Variants in PCDHGA2 observed in about 807,000 individuals in gnomAD.
PCDHGA2 encodes the protein protocadherin gamma subfamily A, 2.
PCDHGA2 carries 40 observed loss-of-function variants against 59.2 expected under a neutral mutation model. That is an observed-to-expected ratio of 0.68 (90% CI 0.52 to 0.88). The LOEUF (loss-of-function observed/expected upper bound fraction) is 0.88, where lower values mean the gene tolerates loss of function less well. PCDHGA2 is among the 40% of genes least tolerant of loss of function. PCDHGA2 has a pLI of 0.00. For missense variants in PCDHGA2, 1,226 were observed against 1,204.0 expected, an observed-to-expected ratio of 1.02 and a Z score of -0.27; for synonymous variants, 560 against 526.0, an observed-to-expected ratio of 1.06 and a Z score of -0.89.
rs2099884522 is a variant in PCDHGA2, at chr5:141,512,941, T to C, written c.*1768T>C. On this transcript the variant is annotated 3_prime_UTR_variant, in exon 4 of 4. Transcript: ENST00000394576. ...CTAATATTTATATGGCTTTTTTTCT[T>C]CGACAAAAAAATAATAAAACGTTTC... The C allele has an allele frequency of 6.6e-6, 1 of 151,892 alleles. No individual in the cohort carries two copies. The highest frequency in any genetic ancestry group is 6.6e-5 in the Admixed American group (1 of 15,236). The allele number at this position is 151,892 out of a possible 1,614,324, so 9.4% of individuals were successfully genotyped here.
intron 1 of PCDHGA2, chr5:141,356,581 A>C (rs762640676): frequency 6.2e-7 from 1 of 1,614,132 alleles, no homozygotes; most frequent in South Asian, 1.1e-5. Context: ...CTCTGCTTAC[A>C]TTCCTGAAAA....
intron 2 of PCDHGA2, 149 bp from the exon 3 acceptor site, chr5:141,505,244 T>C (rs886952348): frequency 7.0e-7 from 1 of 1,428,216 alleles, no homozygotes; most frequent in Non-Finnish European, 9.4e-7. Context: ...TGAAGGATTG[T>C]AGAAGTGCCT....
At chr5:141,351,119 C>G in intron 1 of PCDHGA2, 1 of 1,614,056 alleles carries the variant, frequency 6.2e-7, no homozygotes, top group Non-Finnish European at 8.5e-7. Flanking sequence ...AAGTACCAGC[C>G]TCTTCAATCT....
chr5:141,341,009 C>A lies in PCDHGA2; in HGVS notation c.2038C>A (p.Pro680Thr). Reference protein sequence around the residue: ...DILADLGSLEPSAIPNDSDLT... With the variant: ...DILADLGSLETSAIPNDSDLT... ...CCTGGCCGACCTGGGCAGCCTCGAG[C>A]CCTCCGCCATACCCAACGATTCGGA... is the stretch of plus-strand genomic sequence containing the variant. Residue 680 changes from proline to threonine, a missense_variant, in exon 1 of 4, where the codon CCC becomes ACC. By Grantham distance (38) the Pro-to-Thr change is conservative. Transcript: ENST00000394576. The A allele has an allele frequency of 1.2e-6, 2 of 1,614,150 alleles. No individual in the cohort carries two copies. The highest frequency in any genetic ancestry group is 2.2e-5 in the South Asian group (2 of 91,076).
intron 1 of PCDHGA2, among the ~76,000 whole-genome samples, chr5:141,467,332 C>T (rs985838492): frequency 6.6e-6 from 1 of 152,124 alleles, no homozygotes; most frequent in Non-Finnish European, 1.5e-5. Context: ...GGATTAGAGA[C>T]GTAAGCCACT....
chr5:141,339,767 G>A lies in PCDHGA2; in HGVS notation c.796G>A (p.Ala266Thr). 1.2e-6 allele frequency: 2 copies of A among 1,614,140 alleles called. No homozygotes were observed. Among genetic ancestry groups the A allele is most frequent in the East Asian group, 2.2e-5 (1 of 44,880 alleles). The change falls in exon 1 of 4, where the codon GCC (alanine) becomes ACC (threonine). Residue 266 changes from alanine to threonine, a missense_variant. Ala to Thr is a moderately conservative substitution (Grantham distance 58). Coordinates refer to ENST00000394576, the MANE Select transcript of PCDHGA2 (RefSeq NM_018915.4). ...LVGTRILTVT[A>T]TDADEGYYAQ... ...GGGCACCCGGATACTCACGGTGACC[G>A]CCACTGACGCAGATGAGGGCTACTA...
rs562192762 is a variant in PCDHGA2, at chr5:141,485,718, T to C, written c.2425-9089T>C. 1 of 1,614,058 alleles carries C rather than the reference T, an allele frequency of 6.2e-7. No homozygotes were observed. The highest frequency in any genetic ancestry group is 2.2e-5 in the East Asian group (1 of 44,866). On this transcript the variant is annotated intron_variant, in intron 1 of 3. Coordinates refer to ENST00000394576, the MANE Select transcript of PCDHGA2 (RefSeq NM_018915.4). This position sits in a 1 kb window ranked among gnomAD's most constrained non-coding sequence, Gnocchi z 5.7. ...TCCAATGAACACTTTGCACTGGATG[T>C]GAAGAAGCGCAGCGACGGCAGCCTG...
intron 1 of PCDHGA2, chr5:141,346,431 A>G (rs1757751673): frequency 5.6e-6 from 9 of 1,614,292 alleles, no homozygotes; most frequent in Non-Finnish European, 6.8e-6. Context: ...TTTACTTGAA[A>G]TGAAAGGAGA....
In PCDHGA2 at chr5:141,490,959, C is replaced by T. The variant is rs1385897960; in HGVS notation, c.2425-3848C>T. ...TGCACCCACGGCCAGACTGGGAACA[C>T]TCAGCCCCCCAGCGTCTCCCTCGCT... On this transcript the variant is annotated intron_variant, in intron 1 of 3. Transcript: ENST00000394576. The surrounding 1 kb of genome is among the most constrained non-coding windows in gnomAD (Gnocchi z 5.4). 6.2e-7 allele frequency: 1 copy of T among 1,613,844 alleles called. No individual in the cohort carries two copies. Among genetic ancestry groups the T allele is most frequent in the South Asian group, 1.1e-5 (1 of 91,038 alleles).
At chr5:141,435,925 A>G (rs978837252) in intron 1 of PCDHGA2, among the ~76,000 whole-genome samples, 16 of 152,166 alleles carry the variant, frequency 1.1e-4, no homozygotes, top group Non-Finnish European at 1.5e-5. Context: ...AAAATGCGGC[A>G]GTTGCTGCTT....
rs375363587 is a variant in PCDHGA2 at position 141,414,524 on chromosome 5, A to G, written c.2424+73129A>G. On this transcript the variant is annotated intron_variant, in intron 1 of 3. Coordinates refer to ENST00000394576, the MANE Select transcript of PCDHGA2 (RefSeq NM_018915.4). ...TTTATGCTACAAGTGGCAGATATCA[A>G]TGACAACCCACCTACCTTCTCTCAA... 105 of 1,613,844 alleles carry G rather than the reference A, an allele frequency of 6.5e-5. 1 individual carries two copies. In the South Asian group the frequency reaches 7.2e-4, roughly 11 times the overall value.
intron 1 of PCDHGA2, chr5:141,344,885 G>T: frequency 6.2e-7 from 1 of 1,613,908 alleles, no homozygotes; most frequent in Non-Finnish European, 8.5e-7. Flanking sequence ...TAGATAAAAT[G>T]CCTGGGAAAA....
intron 1 of PCDHGA2, chr5:141,399,103 C>T (rs376000100): frequency 1.5e-5 from 25 of 1,613,604 alleles, no homozygotes; most frequent in East Asian, 6.7e-5. Context: ...ACTGGTTGCA[C>T]AATGTACAGT....
intron 1 of PCDHGA2, chr5:141,398,756 T>C: frequency 1.9e-6 from 3 of 1,613,924 alleles, no homozygotes; most frequent in Non-Finnish European, 2.5e-6. Context: ...TACCATCGTT[T>C]AGTCCTGACT....
intron 1 of PCDHGA2, chr5:141,350,330 T>C: frequency 3.3e-6 from 5 of 1,537,282 alleles, no homozygotes; most frequent in Non-Finnish European, 4.4e-6. Context: ...GTCTTTGTTC[T>C]GCGGGGCCAT....
At chr5:141,420,050 C>T in intron 1 of PCDHGA2, 1 of 1,614,076 alleles carries the variant, frequency 6.2e-7, no homozygotes, top group Non-Finnish European at 8.5e-7. Flanking sequence ...TGAGTCAGTT[C>T]TCTGCTCCAA....
intron 1 of PCDHGA2, chr5:141,399,515 C>T (rs748098945): frequency 6.2e-7 from 1 of 1,614,040 alleles, no homozygotes; most frequent in African/African-American, 1.3e-5. Context: ...AACAACCCTC[C>T]TGGGGCCTCC....
intron 1 of PCDHGA2, chr5:141,360,356 A>G: frequency 6.2e-7 from 1 of 1,613,930 alleles, no homozygotes; most frequent in Non-Finnish European, 8.5e-7. Context: ...GAGAAGGAAT[A>G]TTTCACAGTA....
At chr5:141,423,354 C>A in intron 1 of PCDHGA2, 1 of 1,614,202 alleles carries the variant, frequency 6.2e-7, no homozygotes. Context: ...TGGTCTTTGT[C>A]ATCGTGCTGC....
Sources: gnomAD v4.1 joint callset for allele counts (sites outside exome capture counted in the v4.1 genomes callset) on GRCh38, gnomAD v4.1.1 for gene constraint, Gnocchi (gnomAD v3.1) non-coding constraint, MANE v1.5 for transcripts, NCBI Gene and HGNC (gene_info 2026-07-23, HGNC 2026-07-21) for gene names.